The following SULF1 variants were observed in gnomAD, a reference collection of about 807,000 sequenced individuals.
The protein encoded by SULF1 is sulfatase 1, also known as extracellular sulfatase Sulf-1.
Under a neutral mutation model 110.5 loss-of-function variants are expected in SULF1, and 46 were observed. The observed-to-expected ratio is 0.42, with a 90% CI of 0.33 to 0.53. The LOEUF is 0.53. Ranked by LOEUF, SULF1 falls within the 20% of genes least tolerant of loss-of-function variation. The pLI is 0.12. For missense variants in SULF1, 941 were observed against 1,094.2 expected (o/e 0.86, Z 1.98); for synonymous variants, 371 against 387.1 (o/e 0.96, Z 0.49).
At chr8:69,528,975 T>C (rs1019320618) in intron 3 of SULF1, among the ~76,000 whole-genome samples, 1 of 152,150 alleles carries the variant, frequency 6.6e-6, no homozygotes, top group Non-Finnish European at 1.5e-5. Flanking sequence ...AAATTAGTAA[T>C]GAAAAAGGAA....
chr8:69,635,569 A>G (rs553340160), intron 19 of SULF1, among the ~76,000 whole-genome samples: 21 of 152,344 alleles, frequency 1.4e-4, no homozygotes, highest in African/African-American at 5.0e-4. Flanking sequence ...AGCAGAGTCT[A>G]GTAATTAAGA....
At chr8:69,580,328 A>T (rs958499174) in intron 6 of SULF1, among the ~76,000 whole-genome samples, 4 of 152,340 alleles carry the variant, frequency 2.6e-5, no homozygotes, top group South Asian at 4.1e-4. Flanking sequence ...ATTAACTTAA[A>T]TTTATTATGA....
chr8:69,659,281 C>A lies in SULF1; in HGVS notation c.*746C>A. The A allele has an allele frequency of 2.3e-6, 1 of 441,938 alleles. No individual in the cohort carries two copies. Among genetic ancestry groups the A allele is most frequent in the South Asian group, 1.6e-5 (1 of 61,740 alleles). The allele number at this position is 441,938 out of a possible 1,614,324, so 27.4% of individuals were successfully genotyped here. On this transcript the variant is annotated 3_prime_UTR_variant, in exon 23 of 23. Transcript: ENST00000402687. ...GAATCACGAAAAGGAGAAGTCACAG[C>A]ACCTAGAAGGCAGCGCCTCCTCTTC... is the stretch of plus-strand genomic sequence containing the variant.
intron 3 of SULF1, among the ~76,000 whole-genome samples, chr8:69,502,897 G>A (rs529424457): frequency 6.6e-6 from 1 of 151,876 alleles, no homozygotes; most frequent in African/African-American, 2.4e-5. Context: ...ATGTTGGCCA[G>A]GCTGGTCTTG....
chr8:69,590,690 C>T (rs1806834297), intron 8 of SULF1, among the ~76,000 whole-genome samples: 1 of 152,162 alleles, frequency 6.6e-6, no homozygotes. Flanking sequence ...ATATCATCGA[C>T]AAATCATGAA....
chr8:69,655,048 G>T (rs1188269759), intron 22 of SULF1, among the ~76,000 whole-genome samples: 1 of 152,144 alleles, frequency 6.6e-6, no homozygotes, highest in East Asian at 1.9e-4. Flanking sequence ...CATTTAAGTA[G>T]ATGCAATGCT....
intron 1 of SULF1, chr8:69,473,147 C>A (rs1809157350): frequency 6.6e-6 from 1 of 151,880 alleles, no homozygotes; most frequent in Non-Finnish European, 1.5e-5. Context: ...CCCTAAGCCA[C>A]TTTTAATTAA....
chr8:69,535,310 A>G (rs761303112), intron 3 of SULF1, among the ~76,000 whole-genome samples: 8 of 152,198 alleles, frequency 5.3e-5, no homozygotes, highest in Non-Finnish European at 1.0e-4. Flanking sequence ...CACTGCTCAA[A>G]CAACAAAACC....
At chr8:69,581,761 G>A (rs889699232) in intron 6 of SULF1, among the ~76,000 whole-genome samples, 9 of 152,162 alleles carry the variant, frequency 5.9e-5, no homozygotes, top group African/African-American at 2.2e-4. Flanking sequence ...CAATTGCAGA[G>A]CGCCGCCAGG....
At chr8:69,485,523 GCTT>G (rs1281825548) in intron 1 of SULF1, among the ~76,000 whole-genome samples, 1 of 152,144 alleles carries the variant, frequency 6.6e-6, no homozygotes, top group African/African-American at 2.4e-5. Flanking sequence ...CTTAGCCTCA[GCTT>G]CTTCTTCCTA....
At chr8:69,598,073 T>C (rs1429055490) in intron 8 of SULF1, among the ~76,000 whole-genome samples, 2 of 150,146 alleles carry the variant, frequency 1.3e-5, no homozygotes, top group Non-Finnish European at 2.9e-5. Flanking sequence ...CCCTTATGAC[T>C]GTGGTTTACT....
At chr8:69,547,958 T>G (rs149545508) in intron 3 of SULF1, among the ~76,000 whole-genome samples, 2 of 152,276 alleles carry the variant, frequency 1.3e-5, no homozygotes, top group African/African-American at 4.8e-5. Context: ...GCTTGGAACT[T>G]AATCCAGCTC....
chr8:69,484,768 A>AT (rs1809628975), intron 1 of SULF1, among the ~76,000 whole-genome samples: 1 of 152,166 alleles, frequency 6.6e-6, no homozygotes, highest in African/African-American at 2.4e-5. Context: ...AGCAAGGACC[A>AT]TGGTCTCAGG....
At chr8:69,641,912 G>T (rs1297321765) in intron 22 of SULF1, among the ~76,000 whole-genome samples, 1 of 151,934 alleles carries the variant, frequency 6.6e-6, no homozygotes, top group East Asian at 1.9e-4. Flanking sequence ...GCTCCTGATG[G>T]CCGTGTCACT....
At chr8:69,607,146 C>G (rs1041848187) in intron 13 of SULF1, among the ~76,000 whole-genome samples, 4 of 152,184 alleles carry the variant, frequency 2.6e-5, no homozygotes, top group African/African-American at 9.7e-5. Context: ...GAATCAGAAC[C>G]CCTAGGGGTG....
At chr8:69,477,349 C>G (rs1176525659) in intron 1 of SULF1, among the ~76,000 whole-genome samples, 1 of 152,132 alleles carries the variant, frequency 6.6e-6, no homozygotes, top group African/African-American at 2.4e-5. Flanking sequence ...AAATAGCTGT[C>G]TATTCATCTA....
chr8:69,563,941 C>G lies in SULF1; in HGVS notation c.-35C>G. The G allele has an allele frequency of 6.2e-7, 1 of 1,602,998 alleles. No homozygotes were observed. Among genetic ancestry groups the G allele is most frequent in the Non-Finnish European group, 8.5e-7 (1 of 1,170,956 alleles). On this transcript the variant is annotated 5_prime_UTR_variant, in exon 5 of 23. Transcript: ENST00000402687. ...AACTCCAGAAATCAGGAGACGGAGA[C>G]ATTTTGTCAGTTTTGCAACATTGGA...
chr8:69,603,478 T>C, intron 11 of SULF1, 122 bp from the exon 12 acceptor site: 9 of 1,318,654 alleles, frequency 6.8e-6, no homozygotes, highest in Non-Finnish European at 8.7e-6. Flanking sequence ...AATAGCATAT[T>C]GATGGAGATG....
At chr8:69,657,863 C>T (rs1454272796) in intron 22 of SULF1, among the ~76,000 whole-genome samples, 1 of 152,162 alleles carries the variant, frequency 6.6e-6, no homozygotes, top group Non-Finnish European at 1.5e-5. Flanking sequence ...AAGCTGGTGC[C>T]TTCTTTGCAT....
Sources: gnomAD v4.1 joint callset for allele counts (sites outside exome capture counted in the v4.1 genomes callset) on GRCh38, gnomAD v4.1.1 for gene constraint, MANE v1.5 for transcripts, NCBI Gene and HGNC (gene_info 2026-07-23, HGNC 2026-07-21) for gene names.